The following GLIPR1L2 variants were observed in gnomAD, a reference collection of about 807,000 sequenced individuals.
The protein encoded by GLIPR1L2 is GLIPR1 like 2, also known as GLIPR1-like protein 2.
GLIPR1L2 carries 21 observed loss-of-function variants against 28.4 expected under a neutral mutation model. That is an observed-to-expected ratio of 0.74 (90% CI 0.52 to 1.06). The LOEUF (loss-of-function observed/expected upper bound fraction) is 1.06. Among genes scored for constraint, GLIPR1L2 ranks in the 50% least tolerant of loss-of-function variants. The probability of loss-of-function intolerance (pLI) is 0.00; values close to 1 mark genes in which losing one functional copy is unlikely to be tolerated. For synonymous variants in GLIPR1L2, 145 were observed against 139.3 expected, an observed-to-expected ratio of 1.04 and a Z score of -0.29; for missense variants, 476 against 416.9, an observed-to-expected ratio of 1.14 and a Z score of -1.23.
chr12:75,428,717 C>G (rs1047869465), intron 4 of GLIPR1L2, among the ~76,000 whole-genome samples: 2 of 152,172 alleles, frequency 1.3e-5, no homozygotes, highest in African/African-American at 4.8e-5. Flanking sequence ...AGGCCCAGTC[C>G]CCGCTGCTCT....
chr12:75,423,362 CCTTTT>C, intron 4 of GLIPR1L2: 1 of 1,024,502 alleles, frequency 9.8e-7, no homozygotes, highest in Non-Finnish European at 1.2e-6. Context: ...TATTTAATAC[CCTTTT>C]CTTTTAGTTT....
intron 3 of GLIPR1L2, among the ~76,000 whole-genome samples, chr12:75,420,679 T>C (rs1453793064): frequency 6.6e-6 from 1 of 152,216 alleles, no homozygotes; most frequent in East Asian, 1.9e-4. Context: ...ACCTATTATT[T>C]CCTCCTAATC....
intron 4 of GLIPR1L2, among the ~76,000 whole-genome samples, chr12:75,430,453 A>C (rs2139971416): frequency 6.6e-6 from 1 of 152,326 alleles, no homozygotes; most frequent in South Asian, 2.1e-4. Flanking sequence ...AATGTATGTA[A>C]GGTCAATGAC....
intron 4 of GLIPR1L2, among the ~76,000 whole-genome samples, chr12:75,425,058 A>G (rs193295294): frequency 6.6e-6 from 1 of 152,218 alleles, no homozygotes; most frequent in East Asian, 1.9e-4. Flanking sequence ...AGATGTGGCC[A>G]TGTGTGGGAA....
At chr12:75,398,929 C>T (rs2045711314) in intron 1 of GLIPR1L2, among the ~76,000 whole-genome samples, 1 of 152,108 alleles carries the variant, frequency 6.6e-6, no homozygotes, top group Admixed American at 6.5e-5. Flanking sequence ...TCTTATATTT[C>T]TATAAGTGGC....
In GLIPR1L2 at chr12:75,431,657, T is replaced by C. The variant is rs1409921516; in HGVS notation, c.*496T>C. On this transcript the variant is annotated 3_prime_UTR_variant, in exon 6 of 6. Coordinates refer to ENST00000550916, the MANE Select transcript of GLIPR1L2 (RefSeq NM_001270396.2). The stretch of plus-strand genomic sequence containing the variant: ...TTTCATGTGATATTAAGGTATCTAA[T>C]ATTATTATTTGTCTTTGTGGTTTTT... The C allele has an allele frequency of 2.0e-5, 3 of 152,502 alleles. No individual in the cohort carries two copies. The highest frequency in any genetic ancestry group is 4.4e-5 in the Non-Finnish European group (3 of 68,262). 9.4% of individuals were successfully genotyped at this position (152,502 alleles called of 1,614,324 possible).
chr12:75,400,455 A>G (rs368292289), intron 1 of GLIPR1L2, among the ~76,000 whole-genome samples: 1 of 152,142 alleles, frequency 6.6e-6, no homozygotes, highest in Admixed American at 6.5e-5. Context: ...ACAATATCTC[A>G]TGGATCTTGG....
chr12:75,409,588 CAT>C (rs1173407448), intron 1 of GLIPR1L2, among the ~76,000 whole-genome samples: 4 of 129,992 alleles, frequency 3.1e-5, no homozygotes, highest in Non-Finnish European at 5.2e-5. Flanking sequence ...TACACACACA[CAT>C]ATATATATTC....
intron 1 of GLIPR1L2, 117 bp downstream of exon 1, chr12:75,391,467 T>C: frequency 1.3e-6 from 2 of 1,563,964 alleles, no homozygotes; most frequent in Admixed American, 3.8e-5. Context: ...AACCGCACTT[T>C]TAGCTTGGTT....
At chr12:75,425,557 C>A (rs1207538773) in intron 4 of GLIPR1L2, among the ~76,000 whole-genome samples, 4 of 152,180 alleles carry the variant, frequency 2.6e-5, no homozygotes, top group Non-Finnish European at 5.9e-5. Context: ...ACAGGGCCAG[C>A]CCCTAAGTTG....
At chr12:75,424,990 C>G (rs140105107) in intron 4 of GLIPR1L2, among the ~76,000 whole-genome samples, 1 of 152,058 alleles carries the variant, frequency 6.6e-6, no homozygotes, top group Non-Finnish European at 1.5e-5. Flanking sequence ...AGGATCCACA[C>G]GAGATGCAGT....
chr12:75,397,231 G>A (rs2045690604), intron 1 of GLIPR1L2, among the ~76,000 whole-genome samples: 1 of 151,526 alleles, frequency 6.6e-6, no homozygotes, highest in African/African-American at 2.4e-5. Context: ...TATTTAACTG[G>A]CCAATTGATT....
chr12:75,416,174 T>A (rs1441749428), intron 3 of GLIPR1L2, among the ~76,000 whole-genome samples: 1 of 152,122 alleles, frequency 6.6e-6, no homozygotes, highest in Non-Finnish European at 1.5e-5. Context: ...TGCCTATGTG[T>A]TTAGTCTAAA....
At chr12:75,407,951 G>A (rs2045821000) in intron 1 of GLIPR1L2, among the ~76,000 whole-genome samples, 1 of 151,854 alleles carries the variant, frequency 6.6e-6, no homozygotes, top group Non-Finnish European at 1.5e-5. Flanking sequence ...TTTTAATGGA[G>A]TCCACCAAAT....
chr12:75,403,332 A>G (rs1453980028), intron 1 of GLIPR1L2, among the ~76,000 whole-genome samples: 1 of 152,242 alleles, frequency 6.6e-6, no homozygotes, highest in East Asian at 1.9e-4. Flanking sequence ...ATGGGGATTC[A>G]CTTATCAATC....
At chr12:75,423,500 C>A in intron 4 of GLIPR1L2, 1 of 788,538 alleles carries the variant, frequency 1.3e-6, no homozygotes, top group Non-Finnish European at 1.5e-6. Context: ...ATAACTGTAG[C>A]TAAAATATAC....
intron 1 of GLIPR1L2, among the ~76,000 whole-genome samples, chr12:75,400,241 C>T (rs1788332889): frequency 6.6e-6 from 1 of 152,160 alleles, no homozygotes; most frequent in Non-Finnish European, 1.5e-5. Flanking sequence ...GCCTCAGCCT[C>T]CCGAGTAGCT....
intron 1 of GLIPR1L2, among the ~76,000 whole-genome samples, chr12:75,393,154 C>T (rs1485809779): frequency 1.3e-5 from 2 of 152,206 alleles, no homozygotes; most frequent in African/African-American, 4.8e-5. Flanking sequence ...CATCCTTATT[C>T]ATGCTATTGC....
Position 75,430,715 on chromosome 12 carries a change from G to C in GLIPR1L2, c.671G>C (p.Ser224Thr), listed in dbSNP as rs1452640320. 1 of 1,533,582 alleles carries C rather than the reference G, an allele frequency of 6.5e-7. No individual in the cohort carries two copies. Among genetic ancestry groups the C allele is most frequent in the South Asian group, 1.2e-5 (1 of 83,268 alleles). The allele number at this position is 1,533,582 out of a possible 1,614,324, so 95.0% of individuals were successfully genotyped here. ...TTGTGGACTTTCTTTTTCTTTCTAG[G>C]TAATGCAGATCGTGACCAAGCCACA... is the stretch of plus-strand genomic sequence containing the variant. ...RRDKCTDFLC[S>T]NADRDQATYY... Residue 224 changes from serine to threonine, a missense_variant and splice_region_variant, in exon 5 of 6, where the codon AGT becomes ACT. Coordinates refer to ENST00000550916, the MANE Select transcript of GLIPR1L2 (RefSeq NM_001270396.2).
Sources: allele counts gnomAD v4.1 joint callset (sites outside exome capture counted in the v4.1 genomes callset), GRCh38; gene constraint gnomAD v4.1.1; transcripts MANE v1.5; gene names NCBI Gene and HGNC (gene_info 2026-07-23, HGNC 2026-07-21).